The following BCKDHB variants were observed in gnomAD, a reference collection of about 807,000 sequenced individuals.
BCKDHB encodes the protein 2-oxoisovalerate dehydrogenase subunit beta, mitochondrial.
Under a neutral mutation model 48.5 loss-of-function variants are expected in BCKDHB, and 41 were observed. The ratio of observed to expected loss-of-function variants is 0.85; its 90% CI spans 0.66 to 1.10. BCKDHB has a LOEUF of 1.10. Among genes scored for constraint, BCKDHB ranks in the 50% least tolerant of loss-of-function variants. BCKDHB has a pLI of 0.00. For synonymous variants in BCKDHB, 201 were observed against 174.8 expected (o/e 1.15, Z -1.18); for missense variants, 496 against 494.2 (o/e 1.00, Z -0.03).
chr6:80,170,056 T>C (rs553272539), intron 5 of BCKDHB: 32 of 549,180 alleles, frequency 5.8e-5, no homozygotes, highest in African/African-American at 5.5e-4. Context: ...CCTTTTTTTT[T>C]CAGCTGAAAT....
intron 6 of BCKDHB, among the ~76,000 whole-genome samples, chr6:80,199,673 A>G (rs1774292897): frequency 6.8e-6 from 1 of 147,866 alleles, no homozygotes; most frequent in South Asian, 2.2e-4. Context: ...GCTACTTGAG[A>G]GTCTGAAAAT....
chr6:80,167,574 C>T lies in BCKDHB; in HGVS notation c.344-104C>T. 4.9e-6 allele frequency: 6 copies of T among 1,214,932 alleles called. No homozygotes were observed. The South Asian group carries it at 7.6e-5, about 15-fold the overall frequency. The allele number at this position is 1,214,932 out of a possible 1,614,324, so 75.3% of individuals were successfully genotyped here. On this transcript the variant is annotated intron_variant, in intron 3 of 9. Coordinates refer to ENST00000320393, the MANE Select transcript of BCKDHB (RefSeq NM_183050.4). Reference sequence around the variant, plus strand: ...TTATTTTCTGTTTCCTCTACCTGTTCTATACTTCTCCATCCCATTATTAGT... The same window carrying T: ...TTATTTTCTGTTTCCTCTACCTGTTTTATACTTCTCCATCCCATTATTAGT...
chr6:80,432,566 T>A, the BCKDHB span, among the ~76,000 whole-genome samples: 1 of 152,170 alleles, frequency 6.6e-6, no homozygotes, highest in East Asian at 1.9e-4. Flanking sequence ...GTTATTCTAG[T>A]TAGCAATTGG....
At chr6:80,288,114 T>C (rs1271875981) in intron 9 of BCKDHB, among the ~76,000 whole-genome samples, 1 of 152,062 alleles carries the variant, frequency 6.6e-6, no homozygotes, top group Non-Finnish European at 1.5e-5. Flanking sequence ...AAATTGGGTG[T>C]TAGTAGTTAG....
intron 9 of BCKDHB, among the ~76,000 whole-genome samples, chr6:80,300,342 A>G (rs528405099): frequency 3.3e-5 from 5 of 152,312 alleles, no homozygotes; most frequent in Non-Finnish European, 7.4e-5. Flanking sequence ...GTGAACCACC[A>G]TACCTGGGCA....
chr6:80,113,007 C>G (rs1387781220), intron 1 of BCKDHB, among the ~76,000 whole-genome samples: 1 of 152,208 alleles, frequency 6.6e-6, no homozygotes, highest in Non-Finnish European at 1.5e-5. Flanking sequence ...GGGTGCATTT[C>G]TTTTGTCCTT....
At chr6:80,135,967 G>T (rs993575836) in intron 3 of BCKDHB, 2 of 152,086 alleles carry the variant, frequency 1.3e-5, no homozygotes, top group African/African-American at 2.4e-5. Flanking sequence ...TGTCCTCAAG[G>T]TTTATTGATG....
chr6:80,452,061 T>C, the BCKDHB span, among the ~76,000 whole-genome samples: 1 of 152,220 alleles, frequency 6.6e-6, no homozygotes, highest in African/African-American at 2.4e-5. Flanking sequence ...GCTCCATGTG[T>C]CTTCTTCTGA....
At chr6:80,221,129 T>C (rs1473528276) in intron 8 of BCKDHB, among the ~76,000 whole-genome samples, 1 of 152,194 alleles carries the variant, frequency 6.6e-6, no homozygotes, top group Non-Finnish European at 1.5e-5. Context: ...TTCTGTTGTT[T>C]TTATTCTCAA....
chr6:80,111,413 A>G (rs1195533905), intron 1 of BCKDHB, among the ~76,000 whole-genome samples: 4 of 152,186 alleles, frequency 2.6e-5, no homozygotes, highest in Non-Finnish European at 5.9e-5. Flanking sequence ...GGGCCAGTCA[A>G]TCTTCCAGTG....
intron 8 of BCKDHB, among the ~76,000 whole-genome samples, chr6:80,243,151 A>G (rs1776460023): frequency 6.6e-6 from 1 of 152,116 alleles, no homozygotes; most frequent in Admixed American, 6.6e-5. Context: ...AGAGAGACAA[A>G]GTAAAAGGGA....
At chr6:80,357,671 G>A in the BCKDHB span, among the ~76,000 whole-genome samples, 4 of 152,182 alleles carry the variant, frequency 2.6e-5, no homozygotes, top group Non-Finnish European at 4.4e-5. Flanking sequence ...ATTGTGCTAC[G>A]TTTTCCTGGG....
chr6:80,231,692 C>T (rs569014795), intron 8 of BCKDHB, among the ~76,000 whole-genome samples: 47 of 152,300 alleles, frequency 3.1e-4, no homozygotes, highest in African/African-American at 1.1e-3. Flanking sequence ...TGGGGCCAGG[C>T]GCAGTGGCTT....
chr6:80,257,253 A>G (rs927670532), intron 8 of BCKDHB, among the ~76,000 whole-genome samples: 1 of 151,688 alleles, frequency 6.6e-6, no homozygotes, highest in Non-Finnish European at 1.5e-5. Context: ...TTAAAATCCT[A>G]GTTTCTCTTG....
chr6:80,274,119 GGTAA>G (rs1708764314), intron 9 of BCKDHB, among the ~76,000 whole-genome samples: 1 of 151,782 alleles, frequency 6.6e-6, no homozygotes, highest in Non-Finnish European at 1.5e-5. Flanking sequence ...TATGGATAAT[GGTAA>G]GTTTTTATTT....
At chr6:80,314,546 A>T (rs763900794) in intron 9 of BCKDHB, among the ~76,000 whole-genome samples, 1 of 152,218 alleles carries the variant, frequency 6.6e-6, no homozygotes, top group Non-Finnish European at 1.5e-5. Flanking sequence ...CCCAAGTGGG[A>T]GGACCCACCC....
chr6:80,119,375 G>T (rs2127715988), intron 1 of BCKDHB, among the ~76,000 whole-genome samples: 1 of 152,278 alleles, frequency 6.6e-6, no homozygotes, highest in African/African-American at 2.4e-5. Context: ...CTGGAGTGCA[G>T]TGGCATAATC....
chr6:80,396,334 C>T, the BCKDHB span, among the ~76,000 whole-genome samples: 1 of 152,206 alleles, frequency 6.6e-6, no homozygotes, highest in African/African-American at 2.4e-5. Flanking sequence ...TTACCCAATA[C>T]CTCTATCCTC....
chr6:80,429,200 C>A, the BCKDHB span, among the ~76,000 whole-genome samples: 1 of 152,124 alleles, frequency 6.6e-6, no homozygotes, highest in Non-Finnish European at 1.5e-5. Context: ...GGTGTTATTT[C>A]TGAGGCTTCT....
Sources: allele counts gnomAD v4.1 joint callset (sites outside exome capture counted in the v4.1 genomes callset), GRCh38; gene constraint gnomAD v4.1.1; transcripts MANE v1.5; gene names NCBI Gene and HGNC (gene_info 2026-07-23, HGNC 2026-07-21).